FBXL7: variants seen among roughly 807,000 people sequenced by gnomAD.
The protein encoded by FBXL7 is F-box/LRR-repeat protein 7.
A neutral mutation model predicts 38.3 loss-of-function variants in FBXL7; 12 were observed. The observed-to-expected ratio is 0.31, with a 90% CI of 0.20 to 0.51. FBXL7 has a LOEUF of 0.51. Among genes scored for constraint, FBXL7 ranks in the 20% least tolerant of loss-of-function variants. The probability of loss-of-function intolerance (pLI) is 0.98; values close to 1 mark genes in which losing one functional copy is unlikely to be tolerated. For missense variants in FBXL7, 567 were observed against 676.4 expected (o/e 0.84, Z 1.79); for synonymous variants, 297 against 300.9 (o/e 0.99, Z 0.13).
chr5:15,840,037 G>A (rs979076749), intron 2 of FBXL7, among the ~76,000 whole-genome samples: 1 of 152,128 alleles, frequency 6.6e-6, no homozygotes, highest in African/African-American at 2.4e-5. Context: ...GATATCTTCT[G>A]TCTTTATGTC....
intron 2 of FBXL7, among the ~76,000 whole-genome samples, chr5:15,859,405 T>G (rs949642611): frequency 1.3e-5 from 2 of 152,238 alleles, no homozygotes; most frequent in East Asian, 3.9e-4. Flanking sequence ...CCAACTGGCA[T>G]CTACTGAGTA....
intron 2 of FBXL7, among the ~76,000 whole-genome samples, chr5:15,779,879 G>A (rs550410348): frequency 6.6e-6 from 1 of 152,184 alleles, no homozygotes; most frequent in Admixed American, 6.5e-5. Context: ...CTTACTCTTG[G>A]AATACTTGTT....
At chr5:15,922,031 T>C (rs1034845661) in intron 2 of FBXL7, among the ~76,000 whole-genome samples, 1 of 152,144 alleles carries the variant, frequency 6.6e-6, no homozygotes, top group African/African-American at 2.4e-5. Context: ...TGCATTCCCA[T>C]GTTCATTACA....
chr5:15,838,576 AGC>A (rs1175426373), intron 2 of FBXL7, among the ~76,000 whole-genome samples: 1 of 152,232 alleles, frequency 6.6e-6, no homozygotes, highest in African/African-American at 2.4e-5. Flanking sequence ...ACGGATATTG[AGC>A]ATCCTCGTTG....
At chr5:15,887,264 T>G (rs530233464) in intron 2 of FBXL7, among the ~76,000 whole-genome samples, 8 of 152,162 alleles carry the variant, frequency 5.3e-5, no homozygotes, top group Admixed American at 1.3e-4. Context: ...CTTATGTTTA[T>G]GACAGCACAA....
At chr5:15,866,112 A>G (rs536729712) in intron 2 of FBXL7, among the ~76,000 whole-genome samples, 4 of 152,340 alleles carry the variant, frequency 2.6e-5, no homozygotes, top group South Asian at 2.1e-4. Context: ...TTCTCCTAGG[A>G]TAAAATCTAT....
chr5:15,917,067 C>T (rs1298258546), intron 2 of FBXL7, among the ~76,000 whole-genome samples: 1 of 152,118 alleles, frequency 6.6e-6, no homozygotes, highest in Non-Finnish European at 1.5e-5. Flanking sequence ...CATGGAGTTT[C>T]AGTGTCTTGC....
chr5:15,719,494 C>T (rs1309228188), intron 2 of FBXL7, among the ~76,000 whole-genome samples: 2 of 148,488 alleles, frequency 1.3e-5, no homozygotes, highest in African/African-American at 2.5e-5. Flanking sequence ...AGCAAGTGAT[C>T]GCCAGTCTGG....
intron 2 of FBXL7, among the ~76,000 whole-genome samples, chr5:15,861,575 C>G (rs992779005): frequency 6.6e-6 from 1 of 152,148 alleles, no homozygotes; most frequent in African/African-American, 2.4e-5. Flanking sequence ...TGGAGCAGAC[C>G]TTATTACCCA....
At chr5:15,819,174 T>C (rs1738102338) in intron 2 of FBXL7, among the ~76,000 whole-genome samples, 1 of 152,286 alleles carries the variant, frequency 6.6e-6, no homozygotes, top group South Asian at 2.1e-4. Context: ...CAGCTCTGCC[T>C]TGTAGCATGA....
rs1403151757 is a variant in FBXL7, at chr5:15,501,603, T to C, written c.37+890T>C. The C allele has an allele frequency of 8.1e-6, 8 of 985,242 alleles. No individual in the cohort carries two copies. In the African/African-American group the frequency reaches 1.0e-4, roughly 13 times the overall value. The allele number at this position is 985,242 out of a possible 1,614,324, so 61.0% of individuals were successfully genotyped here. A position where few individuals can be genotyped will look rare whatever the true frequency, so the allele number is the denominator to read the frequency against. ...TTTACAGCCCGCCCCCAGAGGACAG[T>C]TGGTTACAAAGGAGGGGCCAGCGCT... On this transcript the variant is annotated intron_variant, in intron 1 of 3. Transcript: ENST00000504595.
intron 2 of FBXL7, among the ~76,000 whole-genome samples, chr5:15,835,425 T>C (rs1353879584): frequency 1.3e-5 from 2 of 152,162 alleles, no homozygotes; most frequent in Non-Finnish European, 2.9e-5. Flanking sequence ...AATTATAATA[T>C]GCGATAGAAT....
At chr5:15,839,387 G>T (rs554098728) in intron 2 of FBXL7, among the ~76,000 whole-genome samples, 1 of 151,852 alleles carries the variant, frequency 6.6e-6, no homozygotes, top group Non-Finnish European at 1.5e-5. Flanking sequence ...TAGGTCTTTA[G>T]TCTATTTAGA....
intron 2 of FBXL7, among the ~76,000 whole-genome samples, chr5:15,701,711 G>C (rs1275226586): frequency 6.6e-6 from 1 of 152,082 alleles, no homozygotes; most frequent in African/African-American, 2.4e-5. Context: ...GCATGAAGAA[G>C]AACATAACAT....
chr5:15,873,007 C>G lies in FBXL7; in HGVS notation c.128-54883C>G, dbSNP rs55762424. 7.0e-3 allele frequency among the ~76,000 whole-genome samples: 1,064 copies of G among 152,266 alleles called. 20 individuals carry two copies. The highest frequency in any genetic ancestry group is 0.024 in the African/African-American group (1,015 of 41,550). On this transcript the variant is annotated intron_variant, in intron 2 of 3. Coordinates refer to ENST00000504595, the MANE Select transcript of FBXL7 (RefSeq NM_012304.5). ...TTCTCAGCACCACATAGCACTTATT[C>G]TAAAATCAACCACATAATTGGAAGT...
chr5:15,521,203 G>A (rs1737088743), intron 1 of FBXL7, among the ~76,000 whole-genome samples: 1 of 152,226 alleles, frequency 6.6e-6, no homozygotes, highest in South Asian at 2.1e-4. Context: ...GTTGTCGGGG[G>A]GTGAAATGAA....
chr5:15,912,754 A>G (rs183345623), intron 2 of FBXL7, among the ~76,000 whole-genome samples: 2 of 151,980 alleles, frequency 1.3e-5, no homozygotes, highest in African/African-American at 4.8e-5. Context: ...TGCCTCCCGC[A>G]CTCAGGGACC....
intron 2 of FBXL7, among the ~76,000 whole-genome samples, chr5:15,769,805 A>C (rs1164212035): frequency 6.6e-6 from 1 of 152,058 alleles, no homozygotes; most frequent in Non-Finnish European, 1.5e-5. Flanking sequence ...TAATAATACC[A>C]TATCAGTGTT....
intron 2 of FBXL7, among the ~76,000 whole-genome samples, chr5:15,904,726 T>TTAA (rs1034713072): frequency 1.3e-5 from 2 of 152,048 alleles, no homozygotes; most frequent in African/African-American, 2.4e-5. Context: ...GAGTTATTTT[T>TTAA]TAATAATAAT....
Sources: allele counts gnomAD v4.1 joint callset (sites outside exome capture counted in the v4.1 genomes callset), GRCh38; gene constraint gnomAD v4.1.1; transcripts MANE v1.5; gene names NCBI Gene and HGNC (gene_info 2026-07-23, HGNC 2026-07-21).